The following ARHGEF15 variants were observed in gnomAD, a reference collection of about 807,000 sequenced individuals.
The protein encoded by ARHGEF15 is Rho guanine nucleotide exchange factor 15.
A neutral mutation model predicts 79.7 loss-of-function variants in ARHGEF15; 58 were observed. The observed-to-expected ratio is 0.73, with a 90% CI of 0.59 to 0.91. ARHGEF15 has a LOEUF of 0.91. Among genes scored for constraint, ARHGEF15 ranks in the 40% least tolerant of loss-of-function variants. The pLI, the probability that ARHGEF15 is intolerant of heterozygous loss-of-function variation, is 0.00. For synonymous variants in ARHGEF15, 442 were observed against 456.0 expected, an observed-to-expected ratio of 0.97 and a Z score of 0.39; for missense variants, 1,012 against 1,108.1, an observed-to-expected ratio of 0.91 and a Z score of 1.23.
intron 4 of ARHGEF15, among the ~76,000 whole-genome samples, 188 bp from the exon 5 acceptor site, chr17:8,314,718 T>G (rs34013094): frequency 8.9e-6 from 1 of 112,800 alleles, no homozygotes; most frequent in South Asian, 2.8e-4. Flanking sequence ...CTGGGCAACA[T>G]AACGAGACCT....
intron 1 of ARHGEF15, among the ~76,000 whole-genome samples, chr17:8,311,249 A>C (rs9911486): frequency 0.2 from 30,920 of 151,812 alleles, 4,743 homozygotes; most frequent in East Asian, 0.65. Context: ...CCCAGGCCGC[A>C]GCGCCCTGGC....
Position 8,318,174 on chromosome 17 carries a change from A to G in ARHGEF15, c.1705-213A>G, listed in dbSNP as rs1905148672. 1.8e-6 allele frequency: 1 copy of G among 563,840 alleles called. No individual in the cohort carries two copies. 34.9% of individuals were successfully genotyped at this position (563,840 alleles called of 1,614,324 possible). On this transcript the variant is annotated intron_variant, in intron 9 of 15. Coordinates refer to ENST00000361926, the MANE Select transcript of ARHGEF15 (RefSeq NM_173728.4). The surrounding 1 kb of genome is among the most constrained non-coding windows in gnomAD (Gnocchi z 5.0). Reference sequence around the variant, plus strand: ...GAATCCTCAAAACAATGCTATTGATATGCTAGGTGGGTATTAGCCCCATTT... The same window carrying G: ...GAATCCTCAAAACAATGCTATTGATGTGCTAGGTGGGTATTAGCCCCATTT...
chr17:8,318,714 C>T lies in ARHGEF15; in HGVS notation c.1873-36C>T. On this transcript the variant is annotated intron_variant, in intron 11 of 15. Coordinates refer to ENST00000361926, the MANE Select transcript of ARHGEF15 (RefSeq NM_173728.4). This position sits in a 1 kb window ranked among gnomAD's most constrained non-coding sequence, Gnocchi z 5.0. ...TTGCCCTGCCCCATGTTGCTGCTGC[C>T]ACGCTAGAACCTCCTCTGCCTCCGC... is the stretch of plus-strand genomic sequence containing the variant. The T allele has an allele frequency of 6.2e-7, 1 of 1,609,776 alleles. No homozygotes were observed. Among genetic ancestry groups the T allele is most frequent in the Non-Finnish European group, 8.5e-7 (1 of 1,177,498 alleles).
At position 8,320,980 on chromosome 17, in the gene ARHGEF15, C is replaced by G. The variant is rs749686170; in HGVS notation, c.2513C>G (p.Ala838Gly). Residue 838 changes from alanine to glycine, a missense_variant, in exon 16 of 16, where the codon GCC becomes GGC. Ala to Gly is a moderately conservative substitution (Grantham distance 60). Transcript: ENST00000361926. The stretch of plus-strand genomic sequence containing the variant: ...GGATCTTCTTCAGGCACCCCCAATG[C>G]CCCCCCACCCTAATGCAGGCTGAGG... ...AVGSSSGTPN[A>G]PPP 1.2e-6 allele frequency: 2 copies of G among 1,607,488 alleles called. No individual in the cohort carries two copies. The highest frequency in any genetic ancestry group is 1.3e-5 in the African/African-American group (1 of 74,730).
chr17:8,312,820 C>CTTGATATTGCAGTTGCTGGGCAGG (rs1904736409), intron 2 of ARHGEF15, 102 bp from the exon 3 acceptor site: 8 of 1,554,446 alleles, frequency 5.1e-6, no homozygotes, highest in Non-Finnish European at 7.0e-6. Context: ...ATGCCTGGAC[C>CTTGATATTGCAGTTGCTGGGCAGG]TTGATATTGC....
In ARHGEF15 at chr17:8,322,095, G is replaced by A. The variant is rs1176259191; in HGVS notation, c.*1102G>A. 2 of 152,870 alleles carry A rather than the reference G, an allele frequency of 1.3e-5. No homozygotes were observed. Among genetic ancestry groups the A allele is most frequent in the African/African-American group, 2.4e-5 (1 of 41,478 alleles). The allele number at this position is 152,870 out of a possible 1,614,324, so 9.5% of individuals were successfully genotyped here. On this transcript the variant is annotated 3_prime_UTR_variant, in exon 16 of 16. Transcript: ENST00000361926. Reference sequence around the variant, plus strand: ...GAAGAAACGGGAGCTGTGGACCACAGGCCAGCCAGTGAACCTCCTGGGCTT... The same window carrying A: ...GAAGAAACGGGAGCTGTGGACCACAAGCCAGCCAGTGAACCTCCTGGGCTT...
Position 8,315,290 on chromosome 17 carries a change from G to A in ARHGEF15, c.1260+13G>A. The A allele has an allele frequency of 1.2e-6, 2 of 1,612,406 alleles. No individual in the cohort carries two copies. The highest frequency in any genetic ancestry group is 1.1e-5 in the South Asian group (1 of 91,018). ...GCGCATGCAGGAGGTGGGAGCTGGAGGTGGGAGATGGGAGGGGGGTGCTGG... is the reference window on the plus strand; with the variant it reads ...GCGCATGCAGGAGGTGGGAGCTGGAAGTGGGAGATGGGAGGGGGGTGCTGG... On this transcript the variant is annotated intron_variant, in intron 6 of 15. Coordinates refer to ENST00000361926, the MANE Select transcript of ARHGEF15 (RefSeq NM_173728.4). The surrounding 1 kb of genome is among the most constrained non-coding windows in gnomAD (Gnocchi z 4.3).
At position 8,319,038 on chromosome 17, in the gene ARHGEF15, C is replaced by T. The variant is rs2151644112; in HGVS notation, c.2065C>T (p.His689Tyr). Residue 689 changes from histidine (H) to tyrosine (Y), a missense_variant, in exon 13 of 16, where the codon CAT (histidine) becomes TAT (tyrosine). His to Tyr is a moderately conservative substitution (Grantham distance 83, BLOSUM62 2). Transcript: ENST00000361926. ...GCGGTTACAGGTTCTGGACTATGCC[C>T]ATCGCTCCCTGGTCCAGGCCCAGCA... ...GQRLQVLDYA[H>Y]RSLVQAQQVP... The T allele has an allele frequency of 6.2e-7, 1 of 1,613,944 alleles. No homozygotes were observed. Among genetic ancestry groups the T allele is most frequent in the East Asian group, 2.2e-5 (1 of 44,878 alleles).
At position 8,315,688 on chromosome 17, in the gene ARHGEF15, T is replaced by C. The variant is rs1904974998; in HGVS notation, c.1422-67T>C. 4.4e-6 allele frequency: 7 copies of C among 1,591,306 alleles called. No individual in the cohort carries two copies. In the Admixed American group the frequency reaches 1.2e-4, roughly 27 times the overall value. ...ACGGACCCAGTTAGTTCCCAAACCT[T>C]CTCTCAAGAACCCGGGAGACCTGGC... On this transcript the variant is annotated intron_variant, in intron 7 of 15. Coordinates refer to ENST00000361926, the MANE Select transcript of ARHGEF15 (RefSeq NM_173728.4). The surrounding 1 kb of genome is among the most constrained non-coding windows in gnomAD (Gnocchi z 4.3).
chr17:8,318,728 C>T lies in ARHGEF15; in HGVS notation c.1873-22C>T. On this transcript the variant is annotated intron_variant, in intron 11 of 15. Coordinates refer to ENST00000361926, the MANE Select transcript of ARHGEF15 (RefSeq NM_173728.4). This position sits in a 1 kb window ranked among gnomAD's most constrained non-coding sequence, Gnocchi z 5.0. The stretch of plus-strand genomic sequence containing the variant: ...GTTGCTGCTGCCACGCTAGAACCTC[C>T]TCTGCCTCCGCTTCCTCGCAGGCCC... 2 of 1,611,728 alleles carry T rather than the reference C, an allele frequency of 1.2e-6. No individual in the cohort carries two copies. The highest frequency in any genetic ancestry group is 1.7e-6 in the Non-Finnish European group (2 of 1,178,968).
rs991924672 is a variant in ARHGEF15 at position 8,322,112 on chromosome 17, C to T, written c.*1119C>T. ...GGACCACAGGCCAGCCAGTGAACCTCCTGGGCTTTCTTGCCTTTGTCCTGA... is the reference window on the plus strand; with the variant it reads ...GGACCACAGGCCAGCCAGTGAACCTTCTGGGCTTTCTTGCCTTTGTCCTGA... On this transcript the variant is annotated 3_prime_UTR_variant, in exon 16 of 16. Coordinates refer to ENST00000361926, the MANE Select transcript of ARHGEF15 (RefSeq NM_173728.4). The T allele has an allele frequency of 1.3e-5, 2 of 152,892 alleles. No individual in the cohort carries two copies. The highest frequency in any genetic ancestry group is 4.8e-5 in the African/African-American group (2 of 41,484). 9.5% of individuals were successfully genotyped at this position (152,892 alleles called of 1,614,324 possible). A position where few individuals can be genotyped will look rare whatever the true frequency, so the allele number is the denominator to read the frequency against.
rs1377498274 is a variant in ARHGEF15 at position 8,319,597 on chromosome 17, C to T, written c.2368C>T (p.Pro790Ser). ...RAAPKHLHKT[P>S]EGWLKGLPGA... Reference sequence around the variant, plus strand: ...TGCCCCCAAACACCTGCACAAGACCCCTGAAGGTGAGAAAGTCTTTCATTT... The same window carrying T: ...TGCCCCCAAACACCTGCACAAGACCTCTGAAGGTGAGAAAGTCTTTCATTT... The change falls in exon 15 of 16, where the codon CCT (proline) becomes TCT (serine). Residue 790 changes from proline to serine, a missense_variant. Physicochemically the swap from Pro to Ser is moderately conservative, Grantham distance 74. Transcript: ENST00000361926. 1 of 1,564,292 alleles carries T rather than the reference C, an allele frequency of 6.4e-7. No individual in the cohort carries two copies. The highest frequency in any genetic ancestry group is 8.6e-7 in the Non-Finnish European group (1 of 1,164,124).
chr17:8,315,523 A>G lies in ARHGEF15; in HGVS notation c.1370A>G (p.Asp457Gly). 6.2e-7 allele frequency: 1 copy of G among 1,612,104 alleles called. No individual in the cohort carries two copies. Among genetic ancestry groups the G allele is most frequent in the Non-Finnish European group, 8.5e-7 (1 of 1,180,000 alleles). Residue 457 changes from aspartate (D) to glycine (G), a missense_variant, in exon 7 of 16, where the codon GAT (aspartate) becomes GGT (glycine). Physicochemically the swap from Asp to Gly is moderately conservative, Grantham distance 94. Around this residue, in one of 3 missense-constraint regions of ARHGEF15, gnomAD observed 818 missense variants for 882.5 expected, o/e 0.93. Transcript: ENST00000361926. This position sits in a 1 kb window ranked among gnomAD's most constrained non-coding sequence, Gnocchi z 4.3. ...QALRDTLTPR[D>G]HHTLFSNVQR... ...CTCCGGGACACGCTCACCCCCCGTG[A>G]TCACCACACACTCTTCTCCAATGTG...
At chr17:8,316,517 C>T (rs1308926594) in intron 9 of ARHGEF15, among the ~76,000 whole-genome samples, 1 of 152,172 alleles carries the variant, frequency 6.6e-6, no homozygotes, top group Non-Finnish European at 1.5e-5. Context: ...TGGCTATATT[C>T]TTCTACCCAC....
chr17:8,314,825 C>T, intron 4 of ARHGEF15, 81 bp from the exon 5 acceptor site: 1 of 1,574,040 alleles, frequency 6.4e-7, no homozygotes, highest in Non-Finnish European at 8.6e-7. Flanking sequence ...ATGGGTTGCC[C>T]TGTCCAGCAT....
intron 9 of ARHGEF15, among the ~76,000 whole-genome samples, chr17:8,316,860 G>A (rs966861245): frequency 6.6e-6 from 1 of 152,162 alleles, no homozygotes; most frequent in East Asian, 1.9e-4. Flanking sequence ...TCGGCTCACT[G>A]CAACCTCTGC....
At position 8,319,404 on chromosome 17, in the gene ARHGEF15, C is replaced by T. The variant is rs745350461; in HGVS notation, c.2269+10C>T. 5 of 1,606,882 alleles carry T rather than the reference C, an allele frequency of 3.1e-6. 1 individual carries two copies. In the South Asian group the frequency reaches 4.4e-5, roughly 14 times the overall value. On this transcript the variant is annotated intron_variant, in intron 14 of 15. Transcript: ENST00000361926. ...ATCTATGAGGACTGTGGTGAGTATCCCCCTAGAGGGGATGAGGGAAGAAAA... is the reference window on the plus strand; with the variant it reads ...ATCTATGAGGACTGTGGTGAGTATCTCCCTAGAGGGGATGAGGGAAGAAAA...
At chr17:8,319,443 G>T (rs1270960325) in intron 14 of ARHGEF15, 49 bp downstream of exon 14, 2 of 1,595,816 alleles carry the variant, frequency 1.3e-6, no homozygotes, top group Non-Finnish European at 1.7e-6. Context: ...GAGTCTTAGA[G>T]GAATATGGGG....
intron 15 of ARHGEF15, 104 bp downstream of exon 15, chr17:8,319,707 C>A (rs530398449): frequency 1.1e-6 from 1 of 895,650 alleles, no homozygotes; most frequent in African/African-American, 1.7e-5. Flanking sequence ...GTGAGCTCGG[C>A]TCACTGCAAC....
Sources: gnomAD v4.1 joint callset for allele counts (sites outside exome capture counted in the v4.1 genomes callset) on GRCh38, gnomAD v4.1.1 for gene constraint, gnomAD v4.1.1 regional missense constraint, Gnocchi (gnomAD v3.1) non-coding constraint, MANE v1.5 for transcripts, NCBI Gene and HGNC (gene_info 2026-07-23, HGNC 2026-07-21) for gene names.